The following SHISA9 variants were observed in gnomAD, a reference collection of about 807,000 sequenced individuals.
SHISA9 encodes protein shisa-9.
Under a neutral mutation model 38.0 loss-of-function variants are expected in SHISA9, and 13 were observed. That is an observed-to-expected ratio of 0.34 (90% CI 0.22 to 0.54). The LOEUF is 0.54. Ranked by LOEUF, SHISA9 falls within the 20% of genes least tolerant of loss-of-function variation. SHISA9 has a pLI of 0.91. For missense variants in SHISA9, 538 were observed against 575.8 expected (o/e 0.93, Z 0.67); for synonymous variants, 275 against 242.0 (o/e 1.14, Z -1.27).
the SHISA9 span, among the ~76,000 whole-genome samples, chr16:13,273,653 G>A: frequency 2.0e-5 from 3 of 152,128 alleles, no homozygotes; most frequent in African/African-American, 7.2e-5. Flanking sequence ...AGCAGCTTGA[G>A]AACGGACTAA....
the SHISA9 span, among the ~76,000 whole-genome samples, chr16:13,374,681 A>G: frequency 6.6e-6 from 1 of 152,134 alleles, no homozygotes; most frequent in African/African-American, 2.4e-5. Context: ...GTATATGCCT[A>G]TTAATGGGAT....
chr16:12,993,761 C>T (rs924172798), intron 2 of SHISA9, among the ~76,000 whole-genome samples: 3 of 152,130 alleles, frequency 2.0e-5, no homozygotes, highest in Non-Finnish European at 4.4e-5. Flanking sequence ...CCATTGAGAC[C>T]AGACAATCAC....
At chr16:13,303,273 T>A in the SHISA9 span, among the ~76,000 whole-genome samples, 7 of 152,168 alleles carry the variant, frequency 4.6e-5, no homozygotes, top group Non-Finnish European at 8.8e-5. Flanking sequence ...TACATGTGCA[T>A]GTATGTTCAT....
At chr16:13,433,652 T>C in the SHISA9 span, among the ~76,000 whole-genome samples, 1 of 152,164 alleles carries the variant, frequency 6.6e-6, no homozygotes, top group Non-Finnish European at 1.5e-5. Context: ...GTAAGAAATA[T>C]TAATATAACA....
intron 2 of SHISA9, among the ~76,000 whole-genome samples, chr16:13,086,308 T>A (rs892378041): frequency 2.2e-4 from 28 of 129,654 alleles, no homozygotes; most frequent in Non-Finnish European, 2.1e-4. Context: ...TGAGCCGAGA[T>A]CATGCCACTG....
intron 2 of SHISA9, among the ~76,000 whole-genome samples, chr16:12,934,031 A>G (rs2038230728): frequency 6.6e-6 from 1 of 152,204 alleles, no homozygotes; most frequent in African/African-American, 2.4e-5. Flanking sequence ...GTGGGGGGAA[A>G]GGGCATTCTA....
At chr16:13,534,923 T>A in the SHISA9 span, among the ~76,000 whole-genome samples, 13 of 152,110 alleles carry the variant, frequency 8.5e-5, no homozygotes, top group Non-Finnish European at 1.8e-4. Context: ...ATCCCAGAAA[T>A]AACATTGCTC....
intron 2 of SHISA9, among the ~76,000 whole-genome samples, chr16:12,995,174 C>G (rs1429307512): frequency 1.3e-5 from 2 of 152,076 alleles, no homozygotes; most frequent in Non-Finnish European, 2.9e-5. Flanking sequence ...GTAAAAATCA[C>G]ATCAAGGTAA....
the SHISA9 span, among the ~76,000 whole-genome samples, chr16:13,549,628 A>G: frequency 6.6e-6 from 1 of 152,210 alleles, no homozygotes; most frequent in Non-Finnish European, 1.5e-5. Context: ...GACACATAAA[A>G]TTAACCATTA....
At chr16:13,230,997 AG>A (rs1278551301) in intron 4 of SHISA9, among the ~76,000 whole-genome samples, 1 of 152,108 alleles carries the variant, frequency 6.6e-6, no homozygotes, top group Non-Finnish European at 1.5e-5. Flanking sequence ...CTGTTTTTTC[AG>A]CAAAGCCTTT....
At chr16:13,010,083 C>G (rs1430832960) in intron 2 of SHISA9, among the ~76,000 whole-genome samples, 1 of 152,062 alleles carries the variant, frequency 6.6e-6, no homozygotes, top group African/African-American at 2.4e-5. Flanking sequence ...GAGGCTGAGG[C>G]AGGAAGGTCG....
At chr16:13,361,711 C>T in the SHISA9 span, among the ~76,000 whole-genome samples, 1 of 152,166 alleles carries the variant, frequency 6.6e-6, no homozygotes, top group East Asian at 1.9e-4. Flanking sequence ...AGGCATTGCA[C>T]CCTGATGGTT....
intron 2 of SHISA9, among the ~76,000 whole-genome samples, chr16:13,041,265 G>A (rs1178260606): frequency 2.6e-5 from 4 of 152,186 alleles, no homozygotes; most frequent in African/African-American, 9.7e-5. Context: ...AATGGAGACT[G>A]CTTACTTGAA....
At chr16:12,964,400 A>G (rs560337980) in intron 2 of SHISA9, among the ~76,000 whole-genome samples, 29 of 151,642 alleles carry the variant, frequency 1.9e-4, no homozygotes, top group African/African-American at 6.8e-4. Flanking sequence ...TTTTTTTTCA[A>G]CAGAAACTCA....
chr16:13,502,162 A>G, the SHISA9 span, among the ~76,000 whole-genome samples: 1 of 152,206 alleles, frequency 6.6e-6, no homozygotes, highest in Non-Finnish European at 1.5e-5. Flanking sequence ...TTTAGGTCAT[A>G]TTTGTAAAGA....
intron 2 of SHISA9, among the ~76,000 whole-genome samples, chr16:13,091,815 G>A (rs1370180107): frequency 6.6e-6 from 1 of 152,196 alleles, no homozygotes; most frequent in Non-Finnish European, 1.5e-5. Flanking sequence ...ACTTGTCAAA[G>A]TCATTCTCCA....
At chr16:13,444,164 A>T in the SHISA9 span, among the ~76,000 whole-genome samples, 1 of 152,198 alleles carries the variant, frequency 6.6e-6, no homozygotes, top group Non-Finnish European at 1.5e-5. Flanking sequence ...TGAGCCCAAG[A>T]GTTCAAGACC....
At chr16:13,215,669 A>G (rs1464759310) in intron 4 of SHISA9, among the ~76,000 whole-genome samples, 2 of 152,152 alleles carry the variant, frequency 1.3e-5, no homozygotes, top group Non-Finnish European at 2.9e-5. Context: ...GCTGTTTTCT[A>G]CCCAAACCAA....
At chr16:12,935,250 C>T (rs1214864710) in intron 2 of SHISA9, among the ~76,000 whole-genome samples, 1 of 152,166 alleles carries the variant, frequency 6.6e-6, no homozygotes, top group Non-Finnish European at 1.5e-5. Context: ...ACAAACAAAC[C>T]TCTAAAGACC....
Sources: gnomAD v4.1 joint callset for allele counts (sites outside exome capture counted in the v4.1 genomes callset) on GRCh38, gnomAD v4.1.1 for gene constraint, MANE v1.5 for transcripts, NCBI Gene and HGNC (gene_info 2026-07-23, HGNC 2026-07-21) for gene names.